Variants in TMTC3 observed in about 807,000 individuals in gnomAD.
TMTC3 encodes transmembrane O-mannosyltransferase targeting cadherins 3, also known as protein O-mannosyl-transferase TMTC3.
A neutral mutation model predicts 92.2 loss-of-function variants in TMTC3; 52 were observed. The ratio of observed to expected loss-of-function variants is 0.56; its 90% confidence interval spans 0.45 to 0.71. The LOEUF is 0.71. Among genes scored for constraint, TMTC3 ranks in the 30% least tolerant of loss-of-function variants. The pLI is 0.00. For synonymous variants in TMTC3, 339 were observed against 363.3 expected (o/e 0.93, Z 0.76); for missense variants, 896 against 1,057.1 (o/e 0.85, Z 2.11).
intron 2 of TMTC3, among the ~76,000 whole-genome samples, chr12:88,151,216 C>T (rs944379578): frequency 1.3e-5 from 2 of 151,978 alleles, no homozygotes; most frequent in African/African-American, 4.8e-5. Context: ...TTGGTATAGC[C>T]GTGGCTGAGA....
chr12:88,187,632 C>T (rs548018249), intron 10 of TMTC3, among the ~76,000 whole-genome samples: 1 of 152,262 alleles, frequency 6.6e-6, no homozygotes, highest in South Asian at 2.1e-4. Flanking sequence ...CCGCATCTGC[C>T]AGTTTTTGTG....
chr12:88,142,670 A>G (rs1281413962), intron 1 of TMTC3, among the ~76,000 whole-genome samples, 183 bp downstream of exon 1: 1 of 152,182 alleles, frequency 6.6e-6, no homozygotes, highest in Non-Finnish European at 1.5e-5. Flanking sequence ...GAAGGAAAAA[A>G]CAAAAAGTTT....
intron 4 of TMTC3, among the ~76,000 whole-genome samples, chr12:88,155,183 A>C (rs999994561): frequency 6.6e-6 from 1 of 152,242 alleles, no homozygotes; most frequent in East Asian, 1.9e-4. Flanking sequence ...AGTACTTAAA[A>C]GCATGGACTA....
chr12:88,151,937 G>C (rs774734674), intron 2 of TMTC3, among the ~76,000 whole-genome samples: 5 of 152,250 alleles, frequency 3.3e-5, no homozygotes, highest in Non-Finnish European at 7.4e-5. Context: ...AGTCAGTACA[G>C]AGATACTAAA....
At chr12:88,192,024 T>C (rs916457363) in intron 12 of TMTC3, among the ~76,000 whole-genome samples, 8 of 140,956 alleles carry the variant, frequency 5.7e-5, no homozygotes, top group African/African-American at 2.5e-4. Flanking sequence ...CTTTTTTTTT[T>C]TTTCTTTTTT....
chr12:88,190,654 G>A, intron 12 of TMTC3, 32 bp downstream of exon 12: 2 of 1,600,240 alleles, frequency 1.2e-6, no homozygotes, highest in Non-Finnish European at 1.7e-6. Context: ...CTATCATTAT[G>A]GAATATTGAA....
chr12:88,185,145 T>C (rs2041361998), intron 10 of TMTC3, among the ~76,000 whole-genome samples: 1 of 152,176 alleles, frequency 6.6e-6, no homozygotes, highest in Non-Finnish European at 1.5e-5. Flanking sequence ...ATATGTATAT[T>C]ATCTGTGAGA....
chr12:88,150,751 C>A (rs531165082), intron 2 of TMTC3, among the ~76,000 whole-genome samples: 1 of 152,086 alleles, frequency 6.6e-6, no homozygotes, highest in African/African-American at 2.4e-5. Context: ...ATTCAAAGAT[C>A]TAATCATTGA....
chr12:88,151,611 G>A (rs1438532700), intron 2 of TMTC3, among the ~76,000 whole-genome samples: 1 of 152,072 alleles, frequency 6.6e-6, no homozygotes, highest in Non-Finnish European at 1.5e-5. Flanking sequence ...CTGTTAGTTG[G>A]TCATCACCTA....
In TMTC3 at chr12:88,194,744, GT is replaced by G. The variant is rs2041488134; in HGVS notation, c.1934-93del. 4 of 869,758 alleles carry G rather than the reference GT, an allele frequency of 4.6e-6. No homozygotes were observed. The Admixed American group carries it at 1.1e-4, about 24-fold the overall frequency. The allele number at this position is 869,758 out of a possible 1,614,324, so 53.9% of individuals were successfully genotyped here. ...TATGGAAATTAGTTGTTTTGAAGCT[GT>G]CTTTTTGTAATCTAAGTATTTGAAA... On this transcript the variant is annotated intron_variant, in intron 13 of 13. Coordinates refer to ENST00000266712, the MANE Select transcript of TMTC3 (RefSeq NM_181783.4).
rs2040968351 is a variant in TMTC3, at chr12:88,153,477, C to G, written c.376C>G (p.Leu126Val). 3 of 1,612,754 alleles carry G rather than the reference C, an allele frequency of 1.9e-6. No homozygotes were observed. The highest frequency in any genetic ancestry group is 2.5e-6 in the Non-Finnish European group (3 of 1,179,384). ...CAAGAGTAGTGTGATTGCTTCTTTA[C>G]TTTTTGCAGTGCACCCAATACACAC... ...DNKSSVIASL[L>V]FAVHPIHTEA... Residue 126 changes from leucine to valine, a missense_variant, in exon 3 of 14, where the codon CTT becomes GTT. Transcript: ENST00000266712.
Position 88,162,648 on chromosome 12 carries a change from A to G in TMTC3, c.797+1797A>G, listed in dbSNP as rs577839383. 2.0e-5 allele frequency among the ~76,000 whole-genome samples: 3 copies of G among 151,876 alleles called. No homozygotes were observed. In the East Asian group the frequency reaches 5.8e-4, roughly 29 times the overall value. On this transcript the variant is annotated intron_variant, in intron 6 of 13. Coordinates refer to ENST00000266712, the MANE Select transcript of TMTC3 (RefSeq NM_181783.4). ...AAGTCTGATTTGAGTATTCTTTTAT[A>G]TCTTCTATATCTCTACATGTTCTAT...
At chr12:88,147,901 G>A (rs2040895160) in intron 1 of TMTC3, among the ~76,000 whole-genome samples, 1 of 151,980 alleles carries the variant, frequency 6.6e-6, no homozygotes, top group African/African-American at 2.4e-5. Flanking sequence ...AGGGATGGAG[G>A]GTCTCAACCT....
chr12:88,157,089 T>A (rs2041021195), intron 4 of TMTC3, among the ~76,000 whole-genome samples: 1 of 152,128 alleles, frequency 6.6e-6, no homozygotes, highest in South Asian at 2.1e-4. Context: ...TTTTTCTCCA[T>A]TTTTTGATCT....
At chr12:88,172,030 T>A (rs1357419570) in intron 7 of TMTC3, among the ~76,000 whole-genome samples, 1 of 152,120 alleles carries the variant, frequency 6.6e-6, no homozygotes, top group African/African-American at 2.4e-5. Context: ...TTTGCCCATT[T>A]TTTAAATTGG....
At chr12:88,190,894 C>T (rs1294198548) in intron 12 of TMTC3, among the ~76,000 whole-genome samples, 2 of 151,984 alleles carry the variant, frequency 1.3e-5, no homozygotes, top group African/African-American at 4.8e-5. Flanking sequence ...CATTTTCTTC[C>T]CATCACCAAA....
Position 88,199,201 on chromosome 12 carries a change from A to C in TMTC3, c.*3552A>C, listed in dbSNP as rs557667505. 2.2e-4 allele frequency: 33 copies of C among 152,208 alleles called. No individual in the cohort carries two copies. The highest frequency in any genetic ancestry group is 7.5e-4 in the African/African-American group (31 of 41,568). 9.4% of individuals were successfully genotyped at this position (152,208 alleles called of 1,614,324 possible). On this transcript the variant is annotated 3_prime_UTR_variant, in exon 14 of 14. Transcript: ENST00000266712. ...GAGTGACAACCACCAAATTAAGAAA[A>C]GGAAACAACTCAGACTTGGAATTTT...
At chr12:88,183,758 G>A (rs1289341224) in intron 10 of TMTC3, among the ~76,000 whole-genome samples, 1 of 152,100 alleles carries the variant, frequency 6.6e-6, no homozygotes, top group African/African-American at 2.4e-5. Context: ...CTTCTTCTGG[G>A]AACCATGGGT....
intron 12 of TMTC3, among the ~76,000 whole-genome samples, chr12:88,191,058 A>G (rs192239318): frequency 1.3e-5 from 2 of 152,324 alleles, no homozygotes; most frequent in African/African-American, 2.4e-5. Context: ...AGCAAAAAAA[A>G]AAGTTTTCTG....
Sources: allele counts gnomAD v4.1 joint callset (sites outside exome capture counted in the v4.1 genomes callset), GRCh38; gene constraint gnomAD v4.1.1; transcripts MANE v1.5; gene names NCBI Gene and HGNC (gene_info 2026-07-23, HGNC 2026-07-21).